PEX7: variants seen among roughly 807,000 people sequenced by gnomAD.
PEX7 encodes the protein PTS2 receptor.
In PEX7, 34 loss-of-function variants were observed where a neutral mutation model predicts 47.5. The ratio of observed to expected loss-of-function variants is 0.72; its 90% confidence interval spans 0.54 to 0.95. The LOEUF (loss-of-function observed/expected upper bound fraction) is 0.95, where lower values mean the gene tolerates loss of function less well. PEX7 is among the 40% of genes least tolerant of loss of function. The pLI is 0.00. For synonymous variants in PEX7, 141 were observed against 148.8 expected (o/e 0.95, Z 0.38); for missense variants, 394 against 400.3 (o/e 0.98, Z 0.13).
At position 136,909,633 on chromosome 6, in the gene PEX7, A is replaced by G. The variant is rs150906313; in HGVS notation, c.904-3825A>G. 1.2e-3 allele frequency among the ~76,000 whole-genome samples: 189 copies of G among 152,296 alleles called. 1 individual carries two copies. The highest frequency in any genetic ancestry group is 5.2e-3 in the East Asian group (27 of 5,188). ...ATTTTCTTTATTGTTAGCTTGCTTA[A>G]ATTTGTAGAACCAGATAGGGCTTAA... On this transcript the variant is annotated intron_variant, in intron 9 of 9. Transcript: ENST00000318471.
At chr6:136,898,894 A>G (rs1184507082) in intron 9 of PEX7, among the ~76,000 whole-genome samples, 2 of 152,050 alleles carry the variant, frequency 1.3e-5, no homozygotes, top group Non-Finnish European at 2.9e-5. Flanking sequence ...AAGGCCCTTT[A>G]AATACAGAGT....
chr6:136,825,648 C>G (rs762137146), intron 2 of PEX7, among the ~76,000 whole-genome samples: 20 of 152,088 alleles, frequency 1.3e-4, no homozygotes, highest in Non-Finnish European at 2.5e-4. Context: ...ATTCTCCTGC[C>G]TCAGCCTCCC....
intron 1 of PEX7, among the ~76,000 whole-genome samples, chr6:136,824,317 C>A (rs1208193694): frequency 3.3e-5 from 5 of 152,166 alleles, no homozygotes; most frequent in African/African-American, 1.2e-4. Context: ...CCTCCTGTCT[C>A]AACCTCACCA....
At chr6:136,861,467 T>C (rs989357096) in intron 5 of PEX7, among the ~76,000 whole-genome samples, 1 of 152,226 alleles carries the variant, frequency 6.6e-6, no homozygotes. Flanking sequence ...ATGCTATAGC[T>C]ATAGCAGAAT....
intron 9 of PEX7, among the ~76,000 whole-genome samples, chr6:136,906,992 T>G (rs2115289698): frequency 6.6e-6 from 1 of 152,292 alleles, no homozygotes. Flanking sequence ...GTTCTCACCA[T>G]CCTATGTAAT....
intron 9 of PEX7, among the ~76,000 whole-genome samples, chr6:136,908,118 C>T (rs753717223): frequency 3.9e-5 from 6 of 152,058 alleles, no homozygotes; most frequent in Non-Finnish European, 8.8e-5. Flanking sequence ...CCATACATAC[C>T]TCTGTTTAGA....
chr6:136,838,482 T>C (rs1774435981), intron 3 of PEX7, among the ~76,000 whole-genome samples: 1 of 152,226 alleles, frequency 6.6e-6, no homozygotes, highest in African/African-American at 2.4e-5. Flanking sequence ...TAGAGGATAC[T>C]TAAGAGACAT....
intron 5 of PEX7, among the ~76,000 whole-genome samples, chr6:136,852,029 G>T (rs1488161931): frequency 1.0e-5 from 1 of 97,494 alleles, no homozygotes; most frequent in Non-Finnish European, 2.0e-5. Context: ...GTCAATTTTG[G>T]CTTTTGTTGC....
intron 1 of PEX7, among the ~76,000 whole-genome samples, chr6:136,824,697 T>C (rs1774155977): frequency 6.6e-6 from 1 of 152,226 alleles, no homozygotes; most frequent in Non-Finnish European, 1.5e-5. Flanking sequence ...TTTTCAGCAC[T>C]TTATTACCAC....
chr6:136,901,615 T>G (rs1775755679), intron 9 of PEX7: 1 of 152,324 alleles, frequency 6.6e-6, no homozygotes, highest in South Asian at 2.1e-4. Context: ...GAATTGGACT[T>G]GGAAGCCACA....
intron 3 of PEX7, among the ~76,000 whole-genome samples, chr6:136,841,998 T>C (rs1774509787): frequency 6.7e-6 from 1 of 149,556 alleles, no homozygotes; most frequent in Non-Finnish European, 1.5e-5. Context: ...TTTCTTTTCT[T>C]TTTCTTTTTT....
In PEX7 at chr6:136,822,674, G is replaced by A. The variant is rs1475959844; in HGVS notation, c.9G>A (p.Ala3=). Residue 3 remains alanine (A), a synonymous_variant, in exon 1 of 10, where the codon GCG becomes GCA. Transcript: ENST00000318471. MS[A]VCGGAARMLR... is the part of the protein sequence containing the mutation. ...CGGGGGCGGCGGGCGGGATGAGTGC[G>A]GTGTGCGGTGGAGCGGCGCGGATGC... 6 of 1,523,826 alleles carry A rather than the reference G, an allele frequency of 3.9e-6. No individual in the cohort carries two copies. In the African/African-American group the frequency reaches 5.6e-5, roughly 14 times the overall value. 94.4% of individuals were successfully genotyped at this position (1,523,826 alleles called of 1,614,324 possible).
chr6:136,838,214 C>G (rs1393675931), intron 3 of PEX7, among the ~76,000 whole-genome samples: 1 of 152,094 alleles, frequency 6.6e-6, no homozygotes, highest in African/African-American at 2.4e-5. Context: ...GTGGGTCAAC[C>G]AGAAATTATA....
In PEX7 at chr6:136,822,804, G is replaced by C. The variant is rs1184848577; in HGVS notation, c.130+9G>C. On this transcript the variant is annotated intron_variant, in intron 1 of 9. Coordinates refer to ENST00000318471, the MANE Select transcript of PEX7 (RefSeq NM_000288.4). Reference sequence around the variant, plus strand: ...GCACTACGGCATCGCGGGTGAGGCGGCGCCGCGCAGCTGGGGCCGGGGGGC... The same window carrying C: ...GCACTACGGCATCGCGGGTGAGGCGCCGCCGCGCAGCTGGGGCCGGGGGGC... The C allele has an allele frequency of 7.8e-7, 1 of 1,287,004 alleles. No individual in the cohort carries two copies. The highest frequency in any genetic ancestry group is 1.6e-5 in the African/African-American group (1 of 64,094). 79.7% of individuals were successfully genotyped at this position (1,287,004 alleles called of 1,614,324 possible).
chr6:136,836,571 A>G (rs1774388041), intron 3 of PEX7, among the ~76,000 whole-genome samples: 1 of 152,264 alleles, frequency 6.6e-6, no homozygotes, highest in Non-Finnish European at 1.5e-5. Context: ...AATTGGTGCC[A>G]TAACTAGGTA....
intron 2 of PEX7, among the ~76,000 whole-genome samples, chr6:136,825,514 A>G (rs905334966): frequency 6.6e-6 from 1 of 151,972 alleles, no homozygotes; most frequent in African/African-American, 2.4e-5. Context: ...TGGGCAACAT[A>G]GGAGGACCCC....
intron 1 of PEX7, chr6:136,823,329 AAGTTCAGTTCTTACCTGT>A: frequency 1.0e-6 from 1 of 985,356 alleles, no homozygotes. Context: ...GAAATATATC[AAGTTCAGTTCTTACCTGT>A]AGTTGTCTAA....
intron 5 of PEX7, among the ~76,000 whole-genome samples, chr6:136,861,308 C>T (rs1774960048): frequency 6.6e-6 from 1 of 152,080 alleles, no homozygotes; most frequent in African/African-American, 2.4e-5. Flanking sequence ...GTCTGGAACT[C>T]TTAAACTCAA....
intron 5 of PEX7, among the ~76,000 whole-genome samples, chr6:136,858,561 G>A (rs571341710): frequency 6.6e-6 from 1 of 152,260 alleles, no homozygotes; most frequent in African/African-American, 2.4e-5. Context: ...TGAATAAAAA[G>A]ACAGAATACC....
Sources: gnomAD v4.1 joint callset for allele counts (sites outside exome capture counted in the v4.1 genomes callset) on GRCh38, gnomAD v4.1.1 for gene constraint, MANE v1.5 for transcripts, NCBI Gene and HGNC (gene_info 2026-07-23, HGNC 2026-07-21) for gene names.